The following DPP10 variants were observed in gnomAD, a reference collection of about 807,000 sequenced individuals.
DPP10 encodes the protein dipeptidyl peptidase like 10.
In DPP10, 33 loss-of-function variants were observed where a neutral mutation model predicts 120.9. The observed-to-expected ratio is 0.27, with a 90% CI of 0.21 to 0.37. The LOEUF (loss-of-function observed/expected upper bound fraction) is 0.37, where lower values mean the gene tolerates loss of function less well. Ranked by LOEUF, DPP10 falls within the 10% of genes least tolerant of loss-of-function variation. The pLI is 1.00. For synonymous variants in DPP10, 337 were observed against 326.1 expected (o/e 1.03, Z -0.36); for missense variants, 816 against 942.8 (o/e 0.87, Z 1.76).
chr2:114,796,779 T>C (rs570897094), intron 1 of DPP10, among the ~76,000 whole-genome samples: 1 of 152,352 alleles, frequency 6.6e-6, no homozygotes, highest in Non-Finnish European at 1.5e-5. Flanking sequence ...ATAGATTCTC[T>C]TGTGACTATT....
At chr2:114,536,134 G>A (rs189622381) in intron 1 of DPP10, among the ~76,000 whole-genome samples, 1 of 152,136 alleles carries the variant, frequency 6.6e-6, no homozygotes, top group Non-Finnish European at 1.5e-5. Flanking sequence ...ATCCTGCATC[G>A]ACATGGTTTG....
chr2:114,496,647 G>A (rs576994330), intron 1 of DPP10, among the ~76,000 whole-genome samples: 1 of 152,144 alleles, frequency 6.6e-6, no homozygotes, highest in Admixed American at 6.5e-5. Context: ...CTTCACCTTG[G>A]AGGGTTTTGA....
At chr2:115,834,179 A>G (rs1173277484) in intron 21 of DPP10, among the ~76,000 whole-genome samples, 1 of 152,206 alleles carries the variant, frequency 6.6e-6, no homozygotes, top group Non-Finnish European at 1.5e-5. Context: ...CAGTCCATTC[A>G]GTAATGAATG....
At chr2:114,705,251 T>C (rs1420981684) in intron 1 of DPP10, among the ~76,000 whole-genome samples, 1 of 152,166 alleles carries the variant, frequency 6.6e-6, no homozygotes, top group Non-Finnish European at 1.5e-5. Context: ...TATCCTAATA[T>C]GACATAATCT....
At chr2:115,508,344 G>A (rs947518617) in intron 4 of DPP10, among the ~76,000 whole-genome samples, 9 of 133,920 alleles carry the variant, frequency 6.7e-5, no homozygotes, top group African/African-American at 2.0e-4. Context: ...ATAGAAAATA[G>A]GAGAGAAAAT....
At chr2:114,827,420 G>T (rs1000979484) in intron 1 of DPP10, among the ~76,000 whole-genome samples, 1 of 152,052 alleles carries the variant, frequency 6.6e-6, no homozygotes, top group Non-Finnish European at 1.5e-5. Context: ...AAAAACTGGG[G>T]TACTGACTTG....
chr2:114,897,592 T>C (rs1693137326), intron 1 of DPP10, among the ~76,000 whole-genome samples: 1 of 151,750 alleles, frequency 6.6e-6, no homozygotes, highest in African/African-American at 2.4e-5. Flanking sequence ...TTTCACAACC[T>C]ACTCATCTGA....
chr2:115,271,910 G>T (rs934557568), intron 1 of DPP10, among the ~76,000 whole-genome samples: 1 of 152,104 alleles, frequency 6.6e-6, no homozygotes, highest in Non-Finnish European at 1.5e-5. Flanking sequence ...TTTGTGTTAA[G>T]AAAATATTTC....
chr2:114,599,286 G>A (rs1166112423), intron 1 of DPP10, among the ~76,000 whole-genome samples: 1 of 151,740 alleles, frequency 6.6e-6, no homozygotes, highest in African/African-American at 2.4e-5. Flanking sequence ...ACATTTCTGT[G>A]GGTTTTGACA....
At chr2:114,877,251 A>G (rs573499858) in intron 1 of DPP10, among the ~76,000 whole-genome samples, 5 of 152,222 alleles carry the variant, frequency 3.3e-5, no homozygotes, top group Admixed American at 2.0e-4. Flanking sequence ...AAGAAAGAAG[A>G]AAAAGGAAAA....
intron 1 of DPP10, among the ~76,000 whole-genome samples, chr2:114,707,813 A>C (rs937207124): frequency 2.0e-5 from 3 of 152,196 alleles, no homozygotes. Context: ...CTTATATGTG[A>C]TAATTCACCA....
rs535551197 is a variant in DPP10, at chr2:114,950,217, C to CT, written c.61-359014dup. Among the ~76,000 whole-genome samples the CT allele has an allele frequency of 7.4e-5, 11 of 148,340 alleles. No homozygotes were observed. In the East Asian group the frequency reaches 7.9e-4, roughly 11 times the overall value. On this transcript the variant is annotated intron_variant, in intron 1 of 25. Transcript: ENST00000410059. ...TGTTTTCCTTTATCATCTTTAGAAG[C>CT]TTTTTTTTGTCATTAATGTCAAATT...
chr2:115,503,769 G>A (rs556508389), intron 4 of DPP10, among the ~76,000 whole-genome samples: 87 of 152,222 alleles, frequency 5.7e-4, no homozygotes, highest in Admixed American at 1.4e-3. Flanking sequence ...TTTCTCCACT[G>A]GGGGTGATTT....
intron 1 of DPP10, among the ~76,000 whole-genome samples, chr2:114,663,262 A>C (rs200705803): frequency 1.4e-5 from 2 of 147,642 alleles, no homozygotes; most frequent in Non-Finnish European, 3.0e-5. Context: ...ATATATATCT[A>C]TATATATATA....
rs1302549079 is a variant in DPP10, at chr2:114,450,484, A to G, written c.60+7646A>G. Among the ~76,000 whole-genome samples the G allele has an allele frequency of 5.9e-5, 9 of 152,060 alleles. No homozygotes were observed. The East Asian group carries it at 1.7e-3, about 29-fold the overall frequency. The stretch of plus-strand genomic sequence containing the variant: ...ATCCTAATATCTGCCACATAGCAGG[A>G]GCTCAATTAATATTGTTTAAATAAA... On this transcript the variant is annotated intron_variant, in intron 1 of 25. Transcript: ENST00000410059.
At chr2:115,489,454 T>C (rs1437459923) in intron 3 of DPP10, among the ~76,000 whole-genome samples, 1 of 151,990 alleles carries the variant, frequency 6.6e-6, no homozygotes, top group Non-Finnish European at 1.5e-5. Context: ...ATCTCCTTCC[T>C]TTTGGAATTT....
intron 1 of DPP10, among the ~76,000 whole-genome samples, chr2:115,187,448 A>G (rs1321692018): frequency 6.6e-6 from 1 of 152,224 alleles, no homozygotes; most frequent in Non-Finnish European, 1.5e-5. Context: ...TACATACTAA[A>G]TCTTGAAGCA....
chr2:114,468,397 C>CA (rs71297186), intron 1 of DPP10, among the ~76,000 whole-genome samples: 5,686 of 68,446 alleles, frequency 0.083, 199 homozygotes, highest in African/African-American at 0.1. Flanking sequence ...GCTTACAATG[C>CA]AAAAAAAAAA....
chr2:114,800,192 T>TG (rs772874146), intron 1 of DPP10, among the ~76,000 whole-genome samples: 14 of 152,140 alleles, frequency 9.2e-5, no homozygotes, highest in Non-Finnish European at 1.3e-4. Context: ...CTTGAACTTG[T>TG]GATTGAGTGA....
Sources: gnomAD v4.1 joint callset for allele counts (sites outside exome capture counted in the v4.1 genomes callset) on GRCh38, gnomAD v4.1.1 for gene constraint, MANE v1.5 for transcripts, NCBI Gene and HGNC (gene_info 2026-07-23, HGNC 2026-07-21) for gene names.